EPN3: variants seen among roughly 807,000 people sequenced by gnomAD.
EPN3 encodes the protein epsin 3.
EPN3 carries 56 observed loss-of-function variants against 55.5 expected under a neutral mutation model. The ratio of observed to expected loss-of-function variants is 1.01; its 90% CI spans 0.81 to 1.26. The LOEUF is 1.26. Among genes scored for constraint, EPN3 ranks in the 50% most tolerant of loss-of-function variants. The pLI is 0.00. For synonymous variants in EPN3, 449 were observed against 375.2 expected (o/e 1.20, Z -2.27); for missense variants, 927 against 853.4 (o/e 1.09, Z -1.07).
chr17:50,533,869 G>T (rs1288526148), intron 1 of EPN3, among the ~76,000 whole-genome samples: 1 of 152,128 alleles, frequency 6.6e-6, no homozygotes, highest in Non-Finnish European at 1.5e-5. Flanking sequence ...CACCTGACAG[G>T]GTCTGGCTCA....
chr17:50,538,579 C>T (rs971495877), intron 3 of EPN3: 6 of 405,572 alleles, frequency 1.5e-5, no homozygotes, highest in African/African-American at 1.2e-4. Context: ...ATATCATCAT[C>T]TTTGCCATTA....
chr17:50,542,909 C>G lies in EPN3; in HGVS notation c.*752C>G, dbSNP rs1390414231. 4 of 152,234 alleles carry G rather than the reference C, an allele frequency of 2.6e-5. No homozygotes were observed. The highest frequency in any genetic ancestry group is 5.9e-5 in the Non-Finnish European group (4 of 68,038). 9.4% of individuals were successfully genotyped at this position (152,234 alleles called of 1,614,324 possible). On this transcript the variant is annotated 3_prime_UTR_variant, in exon 10 of 10. Transcript: ENST00000268933. ...TCTCACCTTGCAGCCGGCACTACTC[C>G]CATTTTTCAGGCAAGGAAACCGTGG...
At chr17:50,540,431 G>A in intron 6 of EPN3, 97 bp downstream of exon 6, 1 of 1,151,858 alleles carries the variant, frequency 8.7e-7, no homozygotes, top group African/African-American at 1.5e-5. Context: ...CAAAATCTGA[G>A]TGTCACCGGG....
At chr17:50,540,754 G>A (rs1221559800) in intron 6 of EPN3, 39 bp from the exon 7 acceptor site, 1 of 1,553,652 alleles carries the variant, frequency 6.4e-7, no homozygotes, top group Non-Finnish European at 8.7e-7. Flanking sequence ...GAGGGATAAG[G>A]GTGGGCCTGG....
At chr17:50,539,542 G>A (rs188531962) in intron 5 of EPN3, among the ~76,000 whole-genome samples, 180 of 152,304 alleles carry the variant, frequency 1.2e-3, no homozygotes, top group Non-Finnish European at 2.1e-3. Flanking sequence ...CCCCGGATTC[G>A]GGTTCTGGAT....
Position 50,532,828 on chromosome 17 carries a change from G to GCAC in EPN3, c.-292_-290dup. ...CTGCCGCTGCCCCTCTGAGGGGTCTGCACCTCCTGGGAGCAGGTGGGTCTC... is the reference window on the plus strand; with the variant it reads ...CTGCCGCTGCCCCTCTGAGGGGTCTGCACCACCTCCTGGGAGCAGGTGGGTCTC... On this transcript the variant is annotated 5_prime_UTR_variant, in exon 1 of 10. Transcript: ENST00000268933. 1 of 1,218,776 alleles carries GCAC rather than the reference G, an allele frequency of 8.2e-7. No individual in the cohort carries two copies. Among genetic ancestry groups the GCAC allele is most frequent in the Non-Finnish European group, 1.1e-6 (1 of 929,980 alleles). The allele number at this position is 1,218,776 out of a possible 1,614,324, so 75.5% of individuals were successfully genotyped here.
At chr17:50,537,722 G>A (rs2034785462) in intron 2 of EPN3, among the ~76,000 whole-genome samples, 1 of 152,198 alleles carries the variant, frequency 6.6e-6, no homozygotes, top group African/African-American at 2.4e-5. Context: ...TGACCTCGTT[G>A]GACTAGAACC....
At position 50,539,257 on chromosome 17, in the gene EPN3, G is replaced by C. The variant is rs756351981; in HGVS notation, c.833G>C (p.Arg278Pro). 1.9e-6 allele frequency: 3 copies of C among 1,614,178 alleles called. No individual in the cohort carries two copies. Among genetic ancestry groups the C allele is most frequent in the South Asian group, 2.2e-5 (2 of 91,086 alleles). Residue 278 changes from arginine (R) to proline (P), a missense_variant, in exon 5 of 10, where the codon CGG becomes CCG. Coordinates refer to ENST00000268933, the MANE Select transcript of EPN3 (RefSeq NM_017957.3). The stretch of plus-strand genomic sequence containing the variant: ...GCAGGGGCCGTGGTCCACCATCAGC[G>C]GGACAGAGAGCCTGAGAGAGAAGAG... ...NGAGAVVHHQ[R>P]DREPEREERK...
intron 1 of EPN3, among the ~76,000 whole-genome samples, chr17:50,533,691 T>G (rs890436814): frequency 1.3e-5 from 2 of 152,172 alleles, no homozygotes; most frequent in Admixed American, 1.3e-4. Flanking sequence ...CCCTCCCTAC[T>G]GCGCAGTTCT....
In EPN3 at chr17:50,541,306, C is replaced by A. The variant is rs539835428; in HGVS notation, c.1327C>A (p.Pro443Thr). Residue 443 changes from proline (P) to threonine (T), a missense_variant, in exon 8 of 10, where the codon CCC becomes ACC. Physicochemically the swap from Pro to Thr is conservative, Grantham distance 38. Coordinates refer to ENST00000268933, the MANE Select transcript of EPN3 (RefSeq NM_017957.3). ...CAAGGAGGGGCTGGAGCAGGCCCTGCCCTCTGGGAAGCCCAGCAGCCCTGT... is the reference window on the plus strand; with the variant it reads ...CAAGGAGGGGCTGGAGCAGGCCCTGACCTCTGGGAAGCCCAGCAGCCCTGT... ...ETKEGLEQALPSGKPSSPVEL... is the reference protein window; with the variant it reads ...ETKEGLEQALTSGKPSSPVEL... 7.7e-5 allele frequency: 124 copies of A among 1,612,850 alleles called. 1 individual carries two copies. The South Asian group carries it at 1.3e-3, about 17-fold the overall frequency.
Position 50,542,368 on chromosome 17 carries a change from A to T in EPN3, c.*211A>T, listed in dbSNP as rs376945003. 13 of 505,076 alleles carry T rather than the reference A, an allele frequency of 2.6e-5. No homozygotes were observed. In the African/African-American group the frequency reaches 2.7e-4, roughly 10 times the overall value. The allele number at this position is 505,076 out of a possible 1,614,324, so 31.3% of individuals were successfully genotyped here. On this transcript the variant is annotated 3_prime_UTR_variant, in exon 10 of 10. Coordinates refer to ENST00000268933, the MANE Select transcript of EPN3 (RefSeq NM_017957.3). ...AATAAAGACTGGAACCCTCGTTCTC[A>T]GCTCTCACCAAGTGGACTTTTTGCG...
At chr17:50,539,959 G>A (rs2034822011) in intron 5 of EPN3, among the ~76,000 whole-genome samples, 1 of 152,164 alleles carries the variant, frequency 6.6e-6, no homozygotes, top group South Asian at 2.1e-4. Flanking sequence ...CTCCCTGGCT[G>A]TGTGACTTCA....
Position 50,537,035 on chromosome 17 carries a change from G to A in EPN3, c.479G>A (p.Gly160Asp), listed in dbSNP as rs1399670903. The A allele has an allele frequency of 1.9e-6, 3 of 1,612,704 alleles. No individual in the cohort carries two copies. The highest frequency in any genetic ancestry group is 2.2e-5 in the East Asian group (1 of 44,884). The change falls in exon 2 of 10, where the codon GGC becomes GAC. Residue 160 changes from glycine (G) to aspartate (D), a missense_variant. Transcript: ENST00000268933. ...TKERMALEGI[G>D]IGSGQLGFSR... ...GAGCGCATGGCACTGGAGGGCATCG[G>A]CATTGGCAGTGGGCAGCTGGGCTTC...
chr17:50,540,721 G>A, intron 6 of EPN3, 72 bp from the exon 7 acceptor site: 1 of 1,511,300 alleles, frequency 6.6e-7, no homozygotes, highest in Non-Finnish European at 8.9e-7. Context: ...ACTTGGGCTG[G>A]GTAACTGGGA....
chr17:50,537,576 C>A (rs1398558973), intron 2 of EPN3: 1 of 199,744 alleles, frequency 5.0e-6, no homozygotes, highest in East Asian at 1.4e-4. Flanking sequence ...CCCTTCATCC[C>A]CCTACCTGAG....
rs1166753280 is a variant in EPN3 at position 50,536,600 on chromosome 17, A to G, written c.44A>G (p.His15Arg). Residue 15 changes from histidine (H) to arginine (R), a missense_variant, in exon 2 of 10, where the codon CAC becomes CGC. His to Arg is a conservative substitution (Grantham distance 29). Coordinates refer to ENST00000268933, the MANE Select transcript of EPN3 (RefSeq NM_017957.3). ...CGGCGCCAGGTGAAGAACATCGTGC[A>G]CAACTACTCCGAGGCAGAAATCAAG... ...ALRRQVKNIV[H>R]NYSEAEIKVR... 3 of 1,614,056 alleles carry G rather than the reference A, an allele frequency of 1.9e-6. No homozygotes were observed. The highest frequency in any genetic ancestry group is 2.5e-6 in the Non-Finnish European group (3 of 1,180,026).
intron 5 of EPN3, 97 bp downstream of exon 5, chr17:50,539,412 G>T: frequency 1.3e-6 from 2 of 1,537,962 alleles, no homozygotes; most frequent in Non-Finnish European, 1.8e-6. Context: ...CATATAGTAA[G>T]CACTGATGTG....
chr17:50,541,595 C>T lies in EPN3; in HGVS notation c.1486C>T (p.Pro496Ser), dbSNP rs955392524. 1.9e-6 allele frequency: 3 copies of T among 1,614,094 alleles called. No individual in the cohort carries two copies. Among genetic ancestry groups the T allele is most frequent in the African/African-American group, 2.7e-5 (2 of 74,934 alleles). ...PSKEARACRTPESFLGPSASS... is the reference protein window; with the variant it reads ...PSKEARACRTSESFLGPSASS... ...CAAAGAGGCCCGAGCTTGCCGGACT[C>T]CCGAGTCCTTCCTGGGTCCCTCAGC... The change falls in exon 9 of 10, where the codon CCC becomes TCC. Residue 496 changes from proline (P) to serine (S), a missense_variant. By Grantham distance (74) the Pro-to-Ser change is moderately conservative. Transcript: ENST00000268933.
chr17:50,540,490 G>A (rs566702387), intron 6 of EPN3, among the ~76,000 whole-genome samples, 156 bp downstream of exon 6: 2 of 152,176 alleles, frequency 1.3e-5, no homozygotes, highest in Non-Finnish European at 1.5e-5. Flanking sequence ...ACAGGCTTTC[G>A]TAGTGAGGGC....
Sources: gnomAD v4.1 joint callset for allele counts (sites outside exome capture counted in the v4.1 genomes callset) on GRCh38, gnomAD v4.1.1 for gene constraint, MANE v1.5 for transcripts, NCBI Gene and HGNC (gene_info 2026-07-23, HGNC 2026-07-21) for gene names.